Variants in MRAP2 observed in about 807,000 individuals in gnomAD.
MRAP2 encodes the protein melanocortin 2 receptor accessory protein 2, also known as melanocortin-2 receptor accessory protein 2.
Under a neutral mutation model 17.4 loss-of-function variants are expected in MRAP2, and 20 were observed. The ratio of observed to expected loss-of-function variants is 1.15; its 90% CI spans 0.81 to 1.67. The LOEUF is 1.67. MRAP2 is among the 40% of genes most tolerant of loss of function. MRAP2 has a pLI of 0.00. For missense variants in MRAP2, 238 were observed against 240.0 expected, an observed-to-expected ratio of 0.99 and a Z score of 0.05; for synonymous variants, 96 against 88.4, an observed-to-expected ratio of 1.09 and a Z score of -0.48.
chr6:84,046,738 G>T (rs934005930), intron 1 of MRAP2, among the ~76,000 whole-genome samples: 1 of 128,754 alleles, frequency 7.8e-6, no homozygotes, highest in Admixed American at 9.6e-5. Context: ...CTGAGATCAC[G>T]CCACTGCACT....
At chr6:84,111,080 A>G in the MRAP2 span, among the ~76,000 whole-genome samples, 11 of 152,058 alleles carry the variant, frequency 7.2e-5, no homozygotes, top group Non-Finnish European at 1.6e-4. Context: ...TCTTGGCTAA[A>G]TGAGCTGTTT....
intron 1 of MRAP2, among the ~76,000 whole-genome samples, chr6:84,040,127 G>C (rs1037689611): frequency 5.3e-5 from 8 of 152,284 alleles, no homozygotes; most frequent in Admixed American, 5.2e-4. Context: ...GAATCAGGGG[G>C]TTGGTTGCCT....
At chr6:84,094,852 T>C (rs80137087), downstream of MRAP2, among the ~76,000 whole-genome samples, 25,486 of 152,018 alleles carry the variant, frequency 0.17, 2,202 homozygotes, top group Middle Eastern at 0.27. Flanking sequence ...CCACCGCACC[T>C]GGCCAGATAA....
chr6:84,099,030 G>C, the MRAP2 span, among the ~76,000 whole-genome samples: 1 of 151,546 alleles, frequency 6.6e-6, no homozygotes, highest in African/African-American at 2.4e-5. Context: ...CAAACCCAAG[G>C]TCATAAAGGT....
At chr6:84,063,599 T>C (rs1392619349) in intron 3 of MRAP2, among the ~76,000 whole-genome samples, 4 of 152,142 alleles carry the variant, frequency 2.6e-5, no homozygotes, top group South Asian at 2.1e-4. Context: ...TTAAAGAACA[T>C]TGAGAAACAT....
chr6:84,084,777 T>C lies in MRAP2; in HGVS notation c.228-4314T>C, dbSNP rs550515222. Among the ~76,000 whole-genome samples the C allele has an allele frequency of 1.1e-4, 16 of 152,224 alleles. No homozygotes were observed. In the South Asian group the frequency reaches 3.3e-3, roughly 32 times the overall value. ...ATCTCCATGATGCCCATTGAGTTTG[T>C]GTGCACCAGGAAAAGCCATGTGGCC... On this transcript the variant is annotated intron_variant, in intron 3 of 3. Coordinates refer to ENST00000257776, the MANE Select transcript of MRAP2 (RefSeq NM_138409.4).
chr6:84,106,322 G>C, the MRAP2 span, among the ~76,000 whole-genome samples: 1 of 152,178 alleles, frequency 6.6e-6, no homozygotes, highest in Non-Finnish European at 1.5e-5. Flanking sequence ...AGCATTACAT[G>C]CAGGAAAGGC....
chr6:84,070,989 G>A (rs1219832564), intron 3 of MRAP2, among the ~76,000 whole-genome samples: 3 of 152,076 alleles, frequency 2.0e-5, no homozygotes, highest in African/African-American at 7.2e-5. Flanking sequence ...AAGACAGCAG[G>A]TAGTTGGTTG....
At chr6:84,082,313 T>C (rs145718185) in intron 3 of MRAP2, among the ~76,000 whole-genome samples, 4 of 152,324 alleles carry the variant, frequency 2.6e-5, no homozygotes, top group African/African-American at 9.6e-5. Flanking sequence ...AATATAACTT[T>C]TTCTCTCTCG....
the MRAP2 span, among the ~76,000 whole-genome samples, chr6:84,100,126 C>G: frequency 6.6e-6 from 1 of 152,300 alleles, no homozygotes; most frequent in African/African-American, 2.4e-5. Context: ...TCCCAAAGTG[C>G]TGGGAATACA....
the MRAP2 span, among the ~76,000 whole-genome samples, chr6:84,129,560 T>A: frequency 1.3e-5 from 2 of 152,168 alleles, no homozygotes; most frequent in East Asian, 3.9e-4. Context: ...TTTGTTTAAG[T>A]TCTTTATAGA....
the MRAP2 span, among the ~76,000 whole-genome samples, chr6:84,144,717 A>C: frequency 6.6e-6 from 1 of 152,076 alleles, no homozygotes; most frequent in African/African-American, 2.4e-5. Context: ...AATTAATTAC[A>C]TGGGACTAAG....
At chr6:84,048,982 G>C (rs1419571413) in intron 1 of MRAP2, among the ~76,000 whole-genome samples, 1 of 152,094 alleles carries the variant, frequency 6.6e-6, no homozygotes, top group African/African-American at 2.4e-5. Flanking sequence ...TCAGGGCCAT[G>C]CCTCTTCTCT....
chr6:84,063,426 C>T, intron 3 of MRAP2: 3 of 984,420 alleles, frequency 3.0e-6, no homozygotes, highest in Non-Finnish European at 3.6e-6. Context: ...TTCCTGGATA[C>T]TCAACTCAAT....
chr6:84,107,113 G>A, the MRAP2 span, among the ~76,000 whole-genome samples: 9 of 151,996 alleles, frequency 5.9e-5, no homozygotes, highest in Admixed American at 4.6e-4. Context: ...GGATCATATA[G>A]CCCAAATGGC....
At chr6:84,123,158 C>A in the MRAP2 span, among the ~76,000 whole-genome samples, 1 of 150,570 alleles carries the variant, frequency 6.6e-6, no homozygotes, top group Non-Finnish European at 1.5e-5. Flanking sequence ...TTGCCCAAAG[C>A]AATCTACAGA....
intron 2 of MRAP2, among the ~76,000 whole-genome samples, chr6:84,059,473 C>T (rs934147960): frequency 2.0e-5 from 3 of 152,164 alleles, no homozygotes; most frequent in Non-Finnish European, 4.4e-5. Flanking sequence ...CCTTGTTTTT[C>T]ATATAACCAC....
At chr6:84,039,239 A>G (rs2099486889) in intron 1 of MRAP2, among the ~76,000 whole-genome samples, 1 of 152,332 alleles carries the variant, frequency 6.6e-6, no homozygotes. Flanking sequence ...TTACACAATT[A>G]TCTATTCCTA....
chr6:84,133,630 G>A, the MRAP2 span, among the ~76,000 whole-genome samples: 1 of 152,194 alleles, frequency 6.6e-6, no homozygotes, highest in Non-Finnish European at 1.5e-5. Context: ...TGCTAGCAGT[G>A]AGCAAGGCTC....
Sources: gnomAD v4.1 joint callset for allele counts (sites outside exome capture counted in the v4.1 genomes callset) on GRCh38, gnomAD v4.1.1 for gene constraint, MANE v1.5 for transcripts, NCBI Gene and HGNC (gene_info 2026-07-23, HGNC 2026-07-21) for gene names.